MYT1: variants seen among roughly 807,000 people sequenced by gnomAD.
MYT1 encodes the protein myelin transcription factor I.
A neutral mutation model predicts 123.0 loss-of-function variants in MYT1; 23 were observed. The observed-to-expected ratio is 0.19, with a 90% confidence interval of 0.13 to 0.26. The LOEUF is 0.26. Among genes scored for constraint, MYT1 ranks in the 10% least tolerant of loss-of-function variants. The pLI, the probability that MYT1 is intolerant of heterozygous loss-of-function variation, is 1.00. For missense variants in MYT1, 1,125 were observed against 1,472.5 expected (o/e 0.76, Z 3.86); for synonymous variants, 518 against 575.3 (o/e 0.90, Z 1.43).
chr20:64,183,450 C>A (rs1344903079), intron 1 of MYT1, among the ~76,000 whole-genome samples: 1 of 152,164 alleles, frequency 6.6e-6, no homozygotes, highest in Non-Finnish European at 1.5e-5. Context: ...AACTGCCATG[C>A]CATTTTCCAA....
chr20:64,222,678 C>T (rs1453077479), intron 14 of MYT1, among the ~76,000 whole-genome samples: 1 of 152,238 alleles, frequency 6.6e-6, no homozygotes, highest in Non-Finnish European at 1.5e-5. Flanking sequence ...CACATGTGCT[C>T]AGAGTACATT....
chr20:64,239,633 T>C lies in MYT1; in HGVS notation c.3094-127T>C. The C allele has an allele frequency of 3.0e-6, 4 of 1,343,526 alleles. No individual in the cohort carries two copies. In the South Asian group the frequency reaches 5.5e-5, roughly 18 times the overall value. 83.2% of individuals were successfully genotyped at this position (1,343,526 alleles called of 1,614,324 possible). A position where few individuals can be genotyped will look rare whatever the true frequency, so the allele number is the denominator to read the frequency against. ...CAGAACCCCCTACAGGAAGGCAGGG[T>C]CCCTGCCTCTTCCCCCACCCCAGGG... On this transcript the variant is annotated intron_variant, in intron 21 of 22. Transcript: ENST00000328439.
chr20:64,205,329 C>G (rs1983455203), intron 5 of MYT1, among the ~76,000 whole-genome samples: 1 of 140,830 alleles, frequency 7.1e-6, no homozygotes, highest in Admixed American at 7.0e-5. Context: ...ACTTCCCACT[C>G]TAGCATGGAG....
chr20:64,200,241 A>G (rs1983256079), intron 4 of MYT1, among the ~76,000 whole-genome samples: 1 of 152,194 alleles, frequency 6.6e-6, no homozygotes, highest in African/African-American at 2.4e-5. Context: ...CCGCTCTCTT[A>G]CCGGACCCTC....
intron 7 of MYT1, among the ~76,000 whole-genome samples, chr20:64,209,979 AG>A (rs1983617918): frequency 6.6e-6 from 1 of 152,174 alleles, no homozygotes; most frequent in African/African-American, 2.4e-5. Flanking sequence ...ATGGGCACAA[AG>A]AGACACAGGC....
At chr20:64,205,915 C>A in intron 6 of MYT1, 115 bp downstream of exon 6, 1 of 1,482,910 alleles carries the variant, frequency 6.7e-7, no homozygotes, top group Non-Finnish European at 9.0e-7. Flanking sequence ...TTCCTGAGAA[C>A]AAGGCATGTC....
At chr20:64,171,880 C>A (rs1982295179) in intron 1 of MYT1, among the ~76,000 whole-genome samples, 1 of 151,906 alleles carries the variant, frequency 6.6e-6, no homozygotes, top group Non-Finnish European at 1.5e-5. Context: ...GGAACCCAAA[C>A]CCTAACCCCC....
At chr20:64,182,316 G>T (rs920217102) in intron 1 of MYT1, among the ~76,000 whole-genome samples, 1 of 152,214 alleles carries the variant, frequency 6.6e-6, no homozygotes, top group African/African-American at 2.4e-5. Context: ...CGGTGTCCCA[G>T]GGCGTGGCAG....
chr20:64,233,603 G>T (rs1433281580), intron 19 of MYT1, among the ~76,000 whole-genome samples: 1 of 149,020 alleles, frequency 6.7e-6, no homozygotes, highest in East Asian at 2.0e-4. Flanking sequence ...AGAAAAAAAG[G>T]ACAACTACCC....
At chr20:64,204,913 C>T (rs78521162) in intron 4 of MYT1, 122 bp from the exon 5 acceptor site, 21,746 of 898,246 alleles carry the variant, frequency 0.024, 900 homozygotes, top group African/African-American at 0.13. Context: ...CAGCAAACTG[C>T]AGGCAGCCAT....
At chr20:64,194,323 G>T (rs1983044352) in intron 2 of MYT1, among the ~76,000 whole-genome samples, 1 of 152,196 alleles carries the variant, frequency 6.6e-6, no homozygotes, top group Non-Finnish European at 1.5e-5. Flanking sequence ...CACCCCAGAT[G>T]TCCTCAGGTC....
intron 4 of MYT1, among the ~76,000 whole-genome samples, 175 bp downstream of exon 4, chr20:64,200,097 T>A (rs930401462): frequency 2.6e-5 from 4 of 152,178 alleles, no homozygotes; most frequent in Non-Finnish European, 5.9e-5. Flanking sequence ...CTTGGCCCCA[T>A]CTCTATCTGT....
chr20:64,221,022 C>T (rs928739503), intron 13 of MYT1, among the ~76,000 whole-genome samples: 1 of 152,194 alleles, frequency 6.6e-6, no homozygotes, highest in Non-Finnish European at 1.5e-5. Context: ...ATTTCATAGA[C>T]GAGCAGCCTG....
chr20:64,232,544 C>T lies in MYT1; in HGVS notation c.2897+159C>T, dbSNP rs1253182933. On this transcript the variant is annotated intron_variant, in intron 19 of 22. Transcript: ENST00000328439. This position sits in a 1 kb window ranked among gnomAD's most constrained non-coding sequence, Gnocchi z 6.9. Reference sequence around the variant, plus strand: ...CCACATGGGTAGCGGATGGGGGAGGCTAGCGGGTCTGTTGGTGCCAGGTGA... The same window carrying T: ...CCACATGGGTAGCGGATGGGGGAGGTTAGCGGGTCTGTTGGTGCCAGGTGA... 6.6e-6 allele frequency among the ~76,000 whole-genome samples: 1 copy of T among 152,128 alleles called. No individual in the cohort carries two copies. Among genetic ancestry groups the T allele is most frequent in the Admixed American group, 6.5e-5 (1 of 15,284 alleles).
In MYT1 at chr20:64,218,007, G is replaced by T. The variant is rs1335004490; in HGVS notation, c.1846+726G>T. 6.6e-6 allele frequency among the ~76,000 whole-genome samples: 1 copy of T among 152,196 alleles called. No individual in the cohort carries two copies. The highest frequency in any genetic ancestry group is 1.5e-5 in the Non-Finnish European group (1 of 68,040). On this transcript the variant is annotated intron_variant, in intron 11 of 22. Transcript: ENST00000328439. The surrounding 1 kb of genome is among the most constrained non-coding windows in gnomAD (Gnocchi z 4.0). Reference sequence around the variant, plus strand: ...CACATGAGATTGGGAGTGGCATCGCGGGGCAGATGTTGTCAGCCCCAAACA... The same window carrying T: ...CACATGAGATTGGGAGTGGCATCGCTGGGCAGATGTTGTCAGCCCCAAACA...
chr20:64,165,023 T>G (rs1312201179), intron 1 of MYT1, among the ~76,000 whole-genome samples: 5 of 151,926 alleles, frequency 3.3e-5, no homozygotes, highest in Non-Finnish European at 5.9e-5. Context: ...AGAGGAGACA[T>G]TAGGGGAAGG....
At chr20:64,178,258 T>C (rs1982526757) in intron 1 of MYT1, among the ~76,000 whole-genome samples, 1 of 152,252 alleles carries the variant, frequency 6.6e-6, no homozygotes, top group African/African-American at 2.4e-5. Flanking sequence ...GTGTTGCTGA[T>C]GCGATGCCAT....
intron 19 of MYT1, among the ~76,000 whole-genome samples, chr20:64,236,284 C>CTGGCCGCGGTGGGTGACCCTGGGA (rs1568723110): frequency 5.8e-5 from 7 of 120,380 alleles, no homozygotes; most frequent in Non-Finnish European, 1.0e-4. Flanking sequence ...TGACCCGGGG[C>CTGGCCGCGGTGGGTGACCCTGGGA]TGGCCGCGGT....
At chr20:64,220,013 G>C in intron 13 of MYT1, 31 bp downstream of exon 13, 1 of 1,441,338 alleles carries the variant, frequency 6.9e-7, no homozygotes, top group East Asian at 2.6e-5. Context: ...AAGCAGTCAG[G>C]CGGCTGCAGC....
Sources: allele counts gnomAD v4.1 joint callset (sites outside exome capture counted in the v4.1 genomes callset), GRCh38; gene constraint gnomAD v4.1.1; non-coding constraint Gnocchi (gnomAD v3.1); transcripts MANE v1.5; gene names NCBI Gene and HGNC (gene_info 2026-07-23, HGNC 2026-07-21).